The following HEMK2 variants were observed in gnomAD, a reference collection of about 807,000 sequenced individuals.
The protein encoded by HEMK2 is HemK methyltransferase 2, ETF1 glutamine and histone H4 lysine, also known as methyltransferase HEMK2.
chr21:28,825,090 G>A, the HEMK2 span, among the ~76,000 whole-genome samples: 1 of 152,202 alleles, frequency 6.6e-6, no homozygotes, highest in Non-Finnish European at 1.5e-5. Flanking sequence ...GCAATGGGCA[G>A]GGAGTGGGAC....
At chr21:28,734,292 C>T in the HEMK2 span, among the ~76,000 whole-genome samples, 6 of 152,214 alleles carry the variant, frequency 3.9e-5, no homozygotes, top group East Asian at 1.9e-4. Context: ...TATAAATATA[C>T]GTTTTAAACT....
At chr21:28,877,301 A>AAGGAAGGAAGGAAGGGAGG in the HEMK2 span, among the ~76,000 whole-genome samples, 1 of 55,082 alleles carries the variant, frequency 1.8e-5, no homozygotes, top group African/African-American at 4.6e-5. Flanking sequence ...AGGAAGGAAG[A>AAGGAAGGAAGGAAGGGAGG]GAGAGAGAAA....
At chr21:28,696,185 T>A in the HEMK2 span, among the ~76,000 whole-genome samples, 23,692 of 152,080 alleles carry the variant, frequency 0.16, 2,090 homozygotes, top group East Asian at 0.26. Context: ...ACTGCCCCCA[T>A]GATTCAATTA....
chr21:28,664,569 G>A, the HEMK2 span, among the ~76,000 whole-genome samples: 1 of 152,072 alleles, frequency 6.6e-6, no homozygotes, highest in African/African-American at 2.4e-5. Flanking sequence ...AGTATTGAAA[G>A]CATGACTTTT....
chr21:28,663,092 G>C, the HEMK2 span, among the ~76,000 whole-genome samples: 1 of 152,278 alleles, frequency 6.6e-6, no homozygotes, highest in African/African-American at 2.4e-5. Context: ...GAAAAAACGA[G>C]AAGAGAATAC....
the HEMK2 span, among the ~76,000 whole-genome samples, chr21:28,815,383 A>T: frequency 2.8e-4 from 43 of 151,032 alleles, no homozygotes; most frequent in African/African-American, 1.0e-3. Flanking sequence ...ATAATAATTA[A>T]AAAAAAAAGA....
chr21:28,647,463 G>A, the HEMK2 span, among the ~76,000 whole-genome samples: 9 of 135,988 alleles, frequency 6.6e-5, no homozygotes, highest in African/African-American at 8.4e-5. Context: ...AGCTGAGATC[G>A]CACCACTGCA....
At chr21:28,644,557 A>G in the HEMK2 span, among the ~76,000 whole-genome samples, 1 of 152,218 alleles carries the variant, frequency 6.6e-6, no homozygotes, top group African/African-American at 2.4e-5. Flanking sequence ...ACAGAACATC[A>G]TAGCTCTTTC....
At chr21:28,691,800 C>A in the HEMK2 span, among the ~76,000 whole-genome samples, 4 of 152,172 alleles carry the variant, frequency 2.6e-5, no homozygotes. Flanking sequence ...TCTTTTGAAA[C>A]AACCTGTGAA....
chr21:28,740,306 G>A, the HEMK2 span, among the ~76,000 whole-genome samples: 2 of 152,144 alleles, frequency 1.3e-5, no homozygotes, highest in African/African-American at 4.8e-5. Context: ...TTTTCAAACT[G>A]GCCAAAACAC....
chr21:28,782,455 G>A, the HEMK2 span, among the ~76,000 whole-genome samples: 4 of 152,144 alleles, frequency 2.6e-5, no homozygotes, highest in African/African-American at 9.7e-5. Context: ...TACACATATA[G>A]TTCAGAAACG....
chr21:28,826,716 C>A, the HEMK2 span, among the ~76,000 whole-genome samples: 3 of 152,196 alleles, frequency 2.0e-5, no homozygotes, highest in African/African-American at 7.2e-5. Flanking sequence ...CTGAACTAAT[C>A]CATCCTCCCA....
the HEMK2 span, among the ~76,000 whole-genome samples, chr21:28,824,783 T>C: frequency 9.9e-5 from 15 of 152,200 alleles, no homozygotes; most frequent in Admixed American, 3.9e-4. Context: ...TTTTTTGTTG[T>C]TGTTATTATA....
chr21:28,784,692 T>C, the HEMK2 span, among the ~76,000 whole-genome samples: 2 of 152,340 alleles, frequency 1.3e-5, no homozygotes, highest in East Asian at 1.9e-4. Context: ...AGAGAACTTT[T>C]GTGTCTAGCT....
At chr21:28,761,342 C>T in the HEMK2 span, among the ~76,000 whole-genome samples, 1 of 151,864 alleles carries the variant, frequency 6.6e-6, no homozygotes, top group Non-Finnish European at 1.5e-5. Flanking sequence ...AAGAAATTAT[C>T]CAAAATGTTT....
the HEMK2 span, among the ~76,000 whole-genome samples, chr21:28,735,455 G>A: frequency 2.0e-5 from 3 of 152,174 alleles, no homozygotes; most frequent in African/African-American, 7.2e-5. Context: ...AGCCACTAAA[G>A]ATGACCCACA....
the HEMK2 span, among the ~76,000 whole-genome samples, chr21:28,849,359 C>A: frequency 1.1e-3 from 166 of 151,290 alleles, no homozygotes; most frequent in Middle Eastern, 3.4e-3. Flanking sequence ...ACAACAACAA[C>A]AAAAAAAAAC....
chr21:28,789,334 G>A, the HEMK2 span, among the ~76,000 whole-genome samples: 10 of 152,060 alleles, frequency 6.6e-5, no homozygotes, highest in East Asian at 1.9e-4. Flanking sequence ...CTCAATAAAC[G>A]GCGTATAGCT....
chr21:28,818,441 CAT>C, the HEMK2 span, among the ~76,000 whole-genome samples: 1 of 152,044 alleles, frequency 6.6e-6, no homozygotes, highest in Non-Finnish European at 1.5e-5. Context: ...TTAATAAACT[CAT>C]ATATATATGT....
Sources: gnomAD v4.1 joint callset for allele counts (sites outside exome capture counted in the v4.1 genomes callset) on GRCh38, gnomAD v4.1.1 for gene constraint, MANE v1.5 for transcripts, NCBI Gene and HGNC (gene_info 2026-07-23, HGNC 2026-07-21) for gene names.